MGAT5B: variants seen among roughly 807,000 people sequenced by gnomAD.
MGAT5B encodes alpha-1,6-mannosylglycoprotein 6-beta-N-acetylglucosaminyltransferase B.
A neutral mutation model predicts 95.1 loss-of-function variants in MGAT5B; 54 were observed. The ratio of observed to expected loss-of-function variants is 0.57; its 90% CI spans 0.46 to 0.71. The LOEUF (loss-of-function observed/expected upper bound fraction) is 0.71. Among genes scored for constraint, MGAT5B ranks in the 30% least tolerant of loss-of-function variants. The pLI, the probability that MGAT5B is intolerant of heterozygous loss-of-function variation, is 0.00. For synonymous variants in MGAT5B, 464 were observed against 451.0 expected, an observed-to-expected ratio of 1.03 and a Z score of -0.36; for missense variants, 935 against 1,088.6, an observed-to-expected ratio of 0.86 and a Z score of 1.99.
Position 76,948,842 on chromosome 17 carries a change from C to T in MGAT5B, c.*4C>T, listed in dbSNP as rs373384799. 5.4e-4 allele frequency: 845 copies of T among 1,579,200 alleles called. No individual in the cohort carries two copies. Among genetic ancestry groups the T allele is most frequent in the Non-Finnish European group, 5.9e-4 (690 of 1,164,254 alleles). ...CTTGTGCCAGGGCTGTCTGTGAATC[C>T]GCCTCTGCCGCCCTGCCTGGCACCC... On this transcript the variant is annotated 3_prime_UTR_variant, in exon 18 of 18. Coordinates refer to ENST00000569840, the MANE Select transcript of MGAT5B (RefSeq NM_001199172.2).
In MGAT5B at chr17:76,916,647, A is replaced by G. The variant is rs1409223596; in HGVS notation, c.1026-8319A>G. ...CATCTCTACAAGAAAAAACTCAGAAAGAAATGAGGAGAAGGGCTGGCTTCT... is the reference window on the plus strand; with the variant it reads ...CATCTCTACAAGAAAAAACTCAGAAGGAAATGAGGAGAAGGGCTGGCTTCT... On this transcript the variant is annotated intron_variant, in intron 8 of 17. Coordinates refer to ENST00000569840, the MANE Select transcript of MGAT5B (RefSeq NM_001199172.2). This position sits in a 1 kb window ranked among gnomAD's most constrained non-coding sequence, Gnocchi z 5.3. Among the ~76,000 whole-genome samples the G allele has an allele frequency of 6.6e-6, 1 of 152,184 alleles. No homozygotes were observed.
intron 13 of MGAT5B, among the ~76,000 whole-genome samples, chr17:76,939,056 G>GTGTA (rs1310914660): frequency 1.3e-5 from 2 of 151,342 alleles, no homozygotes; most frequent in African/African-American, 4.9e-5. Flanking sequence ...GTGTGTGTGT[G>GTGTA]TGTGTGTGTG....
chr17:76,881,161 G>A (rs899600701), intron 2 of MGAT5B, among the ~76,000 whole-genome samples: 3 of 152,298 alleles, frequency 2.0e-5, no homozygotes, highest in East Asian at 1.9e-4. Context: ...GCGAGAACTC[G>A]CTCCCGCACA....
Position 76,917,706 on chromosome 17 carries a change from G to A in MGAT5B, c.1026-7260G>A, listed in dbSNP as rs777895086. Among the ~76,000 whole-genome samples, 2 of 152,110 alleles carry A rather than the reference G, an allele frequency of 1.3e-5. No individual in the cohort carries two copies. The highest frequency in any genetic ancestry group is 2.9e-5 in the Non-Finnish European group (2 of 68,042). ...AGTCTTACCCCAAGGTCCCTGCACA[G>A]GTTGGTTCTCAGCAAAGGTTGGTGG... On this transcript the variant is annotated intron_variant, in intron 8 of 17. Transcript: ENST00000569840. This position sits in a 1 kb window ranked among gnomAD's most constrained non-coding sequence, Gnocchi z 6.1.
At chr17:76,932,848 T>C (rs1462516786) in intron 11 of MGAT5B, 73 bp downstream of exon 11, 19 of 1,569,358 alleles carry the variant, frequency 1.2e-5, no homozygotes, top group Non-Finnish European at 1.6e-5. Flanking sequence ...CCGCATCTCC[T>C]CCTTCCAGGA....
At chr17:76,883,046 G>A (rs1967495250) in intron 3 of MGAT5B, among the ~76,000 whole-genome samples, 1 of 151,662 alleles carries the variant, frequency 6.6e-6, no homozygotes, top group Non-Finnish European at 1.5e-5. Context: ...ACTCTGGGCT[G>A]GAGTGAAGTG....
At chr17:76,936,812 A>T (rs1169804768) in intron 12 of MGAT5B, among the ~76,000 whole-genome samples, 1 of 152,124 alleles carries the variant, frequency 6.6e-6, no homozygotes, top group Non-Finnish European at 1.5e-5. Context: ...GTCTATCTTG[A>T]TGCCAATACC....
chr17:76,895,727 G>A (rs113766908), intron 3 of MGAT5B, among the ~76,000 whole-genome samples: 1 of 152,090 alleles, frequency 6.6e-6, no homozygotes, highest in Non-Finnish European at 1.5e-5. Context: ...AATCACTCAT[G>A]ACATCTGCAG....
intron 8 of MGAT5B, among the ~76,000 whole-genome samples, chr17:76,911,104 C>T (rs1432225722): frequency 1.3e-5 from 2 of 152,192 alleles, no homozygotes; most frequent in African/African-American, 4.8e-5. Flanking sequence ...AGAAACTTAC[C>T]AGTGTTTGGG....
chr17:76,910,184 G>C (rs977966468), intron 8 of MGAT5B, among the ~76,000 whole-genome samples: 1 of 152,190 alleles, frequency 6.6e-6, no homozygotes. Context: ...GTGACATCTT[G>C]TTGTCAGATC....
intron 3 of MGAT5B, among the ~76,000 whole-genome samples, chr17:76,895,511 A>G (rs1225231032): frequency 1.3e-5 from 2 of 152,200 alleles, no homozygotes; most frequent in Non-Finnish European, 2.9e-5. Flanking sequence ...TCTGGAGGCC[A>G]GAAGTCTGAG....
intron 3 of MGAT5B, among the ~76,000 whole-genome samples, chr17:76,894,019 C>T (rs1284745694): frequency 2.0e-5 from 3 of 152,194 alleles, no homozygotes; most frequent in African/African-American, 7.2e-5. Context: ...CTCAGGGCAG[C>T]TTTTTCTGAT....
chr17:76,936,040 A>T (rs925759243), intron 12 of MGAT5B, among the ~76,000 whole-genome samples: 1 of 149,960 alleles, frequency 6.7e-6, no homozygotes, highest in Admixed American at 6.8e-5. Flanking sequence ...GGCTCAAGCG[A>T]TCCTCCCGCC....
Position 76,905,709 on chromosome 17 carries a change from G to A in MGAT5B, c.856-309G>A, listed in dbSNP as rs571803389. Among the ~76,000 whole-genome samples, 83 of 140,298 alleles carry A rather than the reference G, an allele frequency of 5.9e-4. No individual in the cohort carries two copies. The Middle Eastern group carries it at 0.01, about 18-fold the overall frequency. The allele number at this position is 140,298 out of a possible 152,430, so 92.0% of individuals were successfully genotyped here. On this transcript the variant is annotated intron_variant, in intron 7 of 17. Coordinates refer to ENST00000569840, the MANE Select transcript of MGAT5B (RefSeq NM_001199172.2). The surrounding 1 kb of genome is among the most constrained non-coding windows in gnomAD (Gnocchi z 4.2). ...CTCCCTCCACCCAGTAGATATTTACGTGGCTCTCACATTGCCCTTTTATTT... is the reference window on the plus strand; with the variant it reads ...CTCCCTCCACCCAGTAGATATTTACATGGCTCTCACATTGCCCTTTTATTT...
At position 76,938,053 on chromosome 17, in the gene MGAT5B, G is replaced by A; in HGVS notation, c.1494G>A (p.Glu498=). The A allele has an allele frequency of 6.2e-7, 1 of 1,614,264 alleles. No individual in the cohort carries two copies. The highest frequency in any genetic ancestry group is 8.5e-7 in the Non-Finnish European group (1 of 1,180,040). Residue 498 remains glutamate, a synonymous_variant, in exon 13 of 18, where the codon GAG becomes GAA. Transcript: ENST00000569840. This position sits in a 1 kb window ranked among gnomAD's most constrained non-coding sequence, Gnocchi z 4.3. ...YMEIHGTVYY[E]SQRPPEVPAF... is the part of the protein sequence containing the mutation. ...AGATCCATGGCACCGTGTACTACGA[G>A]AGCCAGCGGCCCCCCGAGGTGCCAG... is the stretch of plus-strand genomic sequence containing the variant.
rs542722656 is a variant in MGAT5B, at chr17:76,930,278, GTTGA to G, written c.1292-2364_1292-2361del. On this transcript the variant is annotated intron_variant, in intron 10 of 17. Transcript: ENST00000569840. The surrounding 1 kb of genome is among the most constrained non-coding windows in gnomAD (Gnocchi z 4.1). ...TCATCTCTTCTAAGCTGTACCAGATGTTGATTATTACGTCTTGTGGGCCTTGAGG... is the reference window on the plus strand; with the variant it reads ...TCATCTCTTCTAAGCTGTACCAGATGTTATTACGTCTTGTGGGCCTTGAGG... Among the ~76,000 whole-genome samples, 17 of 147,618 alleles carry G rather than the reference GTTGA, an allele frequency of 1.2e-4. No individual in the cohort carries two copies. The highest frequency in any genetic ancestry group is 2.1e-4 in the Non-Finnish European group (14 of 66,986).
In MGAT5B at chr17:76,948,003, C is replaced by T. The variant is rs780407027; in HGVS notation, c.2097C>T (p.Ala699=). The change falls in exon 17 of 18, where the codon GCC becomes GCT. Residue 699 remains alanine (A), a synonymous_variant. Transcript: ENST00000569840. ...LRAWLAVPGR[A]CTDTCLDHGL... The stretch of plus-strand genomic sequence containing the variant: ...CCTGGCTGGCCGTGCCTGGGAGGGC[C>T]TGCACCGACACCTGCCTGGACCACG... 1.9e-6 allele frequency: 3 copies of T among 1,612,778 alleles called. No homozygotes were observed. Among genetic ancestry groups the T allele is most frequent in the Non-Finnish European group, 2.5e-6 (3 of 1,179,526 alleles).
intron 8 of MGAT5B, among the ~76,000 whole-genome samples, chr17:76,923,344 G>C (rs918512638): frequency 1.3e-5 from 2 of 151,684 alleles, no homozygotes; most frequent in African/African-American, 4.9e-5. Flanking sequence ...GTCCCTGAAG[G>C]GCCTCCCTAG....
intron 15 of MGAT5B, among the ~76,000 whole-genome samples, chr17:76,941,323 C>G (rs1263863844): frequency 2.0e-5 from 3 of 152,250 alleles, no homozygotes; most frequent in African/African-American, 7.2e-5. Context: ...CACCCTGGGT[C>G]TCCAGCGAAC....
Sources: allele counts gnomAD v4.1 joint callset (sites outside exome capture counted in the v4.1 genomes callset), GRCh38; gene constraint gnomAD v4.1.1; non-coding constraint Gnocchi (gnomAD v3.1); transcripts MANE v1.5; gene names NCBI Gene and HGNC (gene_info 2026-07-23, HGNC 2026-07-21).